The following SIM2 variants were observed in gnomAD, a reference collection of about 807,000 sequenced individuals.
SIM2 encodes the protein SIM bHLH transcription factor 2.
A neutral mutation model predicts 64.8 loss-of-function variants in SIM2; 28 were observed. The ratio of observed to expected loss-of-function variants is 0.43; its 90% CI spans 0.32 to 0.59. SIM2 has a LOEUF of 0.59. Ranked by LOEUF, SIM2 falls within the 20% of genes least tolerant of loss-of-function variation. The pLI is 0.07. For synonymous variants in SIM2, 408 were observed against 391.1 expected (o/e 1.04, Z -0.51); for missense variants, 847 against 871.4 (o/e 0.97, Z 0.35).
intron 3 of SIM2, among the ~76,000 whole-genome samples, chr21:36,717,714 C>T (rs1469686089): frequency 6.6e-6 from 1 of 152,042 alleles, no homozygotes; most frequent in East Asian, 1.9e-4. Context: ...ACCAAAGTGT[C>T]AATATATATT....
chr21:36,723,833 G>A (rs1352017543), intron 5 of SIM2, among the ~76,000 whole-genome samples: 2 of 152,198 alleles, frequency 1.3e-5, no homozygotes, highest in Non-Finnish European at 2.9e-5. Context: ...CTCAGGGCAC[G>A]AGAGTCAGCC....
chr21:36,730,175 G>A (rs908824903), intron 6 of SIM2, among the ~76,000 whole-genome samples: 5 of 152,308 alleles, frequency 3.3e-5, no homozygotes, highest in Middle Eastern at 3.4e-3. Context: ...AGTGTCTAGC[G>A]TGCAACAGAG....
At chr21:36,722,918 G>A in intron 4 of SIM2, 127 bp from the exon 5 acceptor site, 1 of 745,094 alleles carries the variant, frequency 1.3e-6, no homozygotes, top group Non-Finnish European at 2.4e-6. Flanking sequence ...CTCTGAGCAG[G>A]GTCTGGGCAC....
At position 36,741,820 on chromosome 21, in the gene SIM2, C is replaced by T. The variant is rs1305724075; in HGVS notation, c.954C>T (p.Arg318=). The T allele has an allele frequency of 6.2e-7, 1 of 1,608,376 alleles. No individual in the cohort carries two copies. Among genetic ancestry groups the T allele is most frequent in the African/African-American group, 1.3e-5 (1 of 74,892 alleles). ...ACGCCACCGTGGTGCACAACAGCCG[C>T]TCGTCCCGGCCCCACTGCATCGTGA... is the stretch of plus-strand genomic sequence containing the variant. ...QSYATVVHNS[R]SSRPHCIVSV... is the part of the protein sequence containing the mutation. Residue 318 remains arginine (R), a synonymous_variant, in exon 8 of 11, where the codon CGC becomes CGT. Coordinates refer to ENST00000290399, the MANE Select transcript of SIM2 (RefSeq NM_005069.6).
intron 7 of SIM2, among the ~76,000 whole-genome samples, chr21:36,736,833 T>TTCTTTC (rs1421774218): frequency 1.8e-5 from 2 of 113,602 alleles, no homozygotes; most frequent in Admixed American, 1.8e-4. Flanking sequence ...CCTTTCTTCT[T>TTCTTTC]TCTTTCTCTT....
At position 36,726,152 on chromosome 21, in the gene SIM2, C is replaced by A. The variant is rs1378244994; in HGVS notation, c.577C>A (p.Gln193Lys). ...IHCSGYLKIR[Q>K]YMLDMSLYDS... ...CTGCAGTGGCTACTTGAAGATCAGG[C>A]AGTATATGCTGGACATGTCCCTGTA... The change falls in exon 6 of 11, where the codon CAG (glutamine) becomes AAG (lysine). Residue 193 changes from glutamine to lysine, a missense_variant. Gln to Lys is a moderately conservative substitution (Grantham distance 53). Around this residue, in one of 3 missense-constraint regions of SIM2, gnomAD observed 397 missense variants for 439.2 expected, o/e 0.90. Coordinates refer to ENST00000290399, the MANE Select transcript of SIM2 (RefSeq NM_005069.6). The surrounding 1 kb of genome is among the most constrained non-coding windows in gnomAD (Gnocchi z 4.5). 1 of 1,613,812 alleles carries A rather than the reference C, an allele frequency of 6.2e-7. No homozygotes were observed. Among genetic ancestry groups the A allele is most frequent in the Non-Finnish European group, 8.5e-7 (1 of 1,180,040 alleles).
At chr21:36,711,863 G>A (rs1432169178) in intron 2 of SIM2, among the ~76,000 whole-genome samples, 3 of 152,072 alleles carry the variant, frequency 2.0e-5, no homozygotes, top group African/African-American at 4.8e-5. Flanking sequence ...TTGAGGGTTA[G>A]CCAACTTAGG....
At chr21:36,718,401 GTTGTCTCTCCTCT>G (rs1385607308) in intron 3 of SIM2, among the ~76,000 whole-genome samples, 1 of 152,172 alleles carries the variant, frequency 6.6e-6, no homozygotes, top group Non-Finnish European at 1.5e-5. Flanking sequence ...AGATAATCAT[GTTGTCTCTCCTCT>G]GATGGAGAGC....
Position 36,709,213 on chromosome 21 carries a change from A to G in SIM2, c.221A>G (p.Asp74Gly), listed in dbSNP as rs760313844. ...WGQPSRAGPLDGVAKELGSHL... is the reference protein window; with the variant it reads ...WGQPSRAGPLGGVAKELGSHL... The stretch of plus-strand genomic sequence containing the variant: ...CAGCCGAGCCGCGCCGGGCCCCTGG[A>G]CGGCGTCGCCAAGGAGCTGGGATCG... The change falls in exon 2 of 11, where the codon GAC becomes GGC. Residue 74 changes from aspartate (D) to glycine (G), a missense_variant. Physicochemically the swap from Asp to Gly is moderately conservative, Grantham distance 94 (BLOSUM62 -1). Around this residue, in one of 3 missense-constraint regions of SIM2, gnomAD observed 397 missense variants for 439.2 expected, o/e 0.90. Transcript: ENST00000290399. 7 of 1,610,072 alleles carry G rather than the reference A, an allele frequency of 4.3e-6. No homozygotes were observed. The Admixed American group carries it at 1.2e-4, about 27-fold the overall frequency.
chr21:36,705,244 G>A (rs11909356), intron 1 of SIM2, among the ~76,000 whole-genome samples: 1 of 152,170 alleles, frequency 6.6e-6, no homozygotes, highest in African/African-American at 2.4e-5. Context: ...ATATGTGCTT[G>A]CGTGGAGCAG....
chr21:36,707,673 T>C (rs2088604861), intron 1 of SIM2, among the ~76,000 whole-genome samples: 1 of 152,002 alleles, frequency 6.6e-6, no homozygotes, highest in Non-Finnish European at 1.5e-5. Context: ...AGGTGCATTT[T>C]ACGCTTCCAG....
chr21:36,727,226 G>A (rs1039598120), intron 6 of SIM2, among the ~76,000 whole-genome samples: 9 of 151,988 alleles, frequency 5.9e-5, no homozygotes, highest in South Asian at 4.2e-4. Context: ...GTAGAGATGC[G>A]GTTTCACTAT....
chr21:36,710,417 C>T (rs1470483778), intron 2 of SIM2: 1 of 152,220 alleles, frequency 6.6e-6, no homozygotes. Context: ...GCACAGCTCG[C>T]CACTTCCAGG....
intron 6 of SIM2, among the ~76,000 whole-genome samples, chr21:36,727,246 G>A (rs1451736506): frequency 2.0e-5 from 3 of 151,948 alleles, no homozygotes; most frequent in African/African-American, 7.3e-5. Flanking sequence ...TGTTGGCCAG[G>A]CTGGTCTTGA....
At chr21:36,713,259 G>A (rs1385709690) in intron 3 of SIM2, among the ~76,000 whole-genome samples, 1 of 152,198 alleles carries the variant, frequency 6.6e-6, no homozygotes, top group Non-Finnish European at 1.5e-5. Context: ...TTTCTGGAAA[G>A]ATGGAATCAT....
chr21:36,712,537 T>G lies in SIM2; in HGVS notation c.263T>G (p.Leu88Trp). Residue 88 changes from leucine to tryptophan, a missense_variant, in exon 3 of 11, where the codon TTG (leucine) becomes TGG (tryptophan). Physicochemically the swap from Leu to Trp is moderately conservative, Grantham distance 61. Coordinates refer to ENST00000290399, the MANE Select transcript of SIM2 (RefSeq NM_005069.6). ...KELGSHLLQT[L>W]DGFVFVVASD... Reference sequence around the variant, plus strand: ...CTGACACTTTATCTTTTACAGACTTTGGATGGATTTGTTTTTGTGGTAGCA... The same window carrying G: ...CTGACACTTTATCTTTTACAGACTTGGGATGGATTTGTTTTTGTGGTAGCA... 3 of 1,606,558 alleles carry G rather than the reference T, an allele frequency of 1.9e-6. No individual in the cohort carries two copies. The highest frequency in any genetic ancestry group is 3.3e-4 in the Middle Eastern group (2 of 6,048).
intron 2 of SIM2, among the ~76,000 whole-genome samples, chr21:36,711,388 AAGTT>A (rs2088675324): frequency 6.6e-6 from 1 of 152,232 alleles, no homozygotes; most frequent in African/African-American, 2.4e-5. Flanking sequence ...AGAAACTTGA[AAGTT>A]AGGCTTATAA....
chr21:36,744,750 A>G lies in SIM2; in HGVS notation c.1190A>G (p.Asp397Gly). ...PPQQYSSFQM[D>G]KLECGQLGNW... ...CAGCAATACAGCTCGTTCCAAATGG[A>G]CAAACTGGAATGCGGCCAGCTCGGA... Residue 397 changes from aspartate (D) to glycine (G), a missense_variant, in exon 10 of 11, where the codon GAC becomes GGC. Around this residue, in one of 3 missense-constraint regions of SIM2, gnomAD observed 447 missense variants for 414.6 expected, o/e 1.08. Coordinates refer to ENST00000290399, the MANE Select transcript of SIM2 (RefSeq NM_005069.6). 6.2e-7 allele frequency: 1 copy of G among 1,608,044 alleles called. No individual in the cohort carries two copies. The highest frequency in any genetic ancestry group is 8.5e-7 in the Non-Finnish European group (1 of 1,177,162).
In SIM2 at chr21:36,709,200, G is replaced by A. The variant is rs146997732; in HGVS notation, c.208G>A (p.Ala70Thr). 1.9e-3 allele frequency: 3,116 copies of A among 1,610,612 alleles called. 6 individuals carry two copies. Among genetic ancestry groups the A allele is most frequent in the South Asian group, 2.9e-3 (260 of 90,506 alleles). ...AGACGCGTGGGGACAGCCGAGCCGCGCCGGGCCCCTGGACGGCGTCGCCAA... is the reference window on the plus strand; with the variant it reads ...AGACGCGTGGGGACAGCCGAGCCGCACCGGGCCCCTGGACGGCGTCGCCAA... ...LGDAWGQPSRAGPLDGVAKEL... is the reference protein window; with the variant it reads ...LGDAWGQPSRTGPLDGVAKEL... The change falls in exon 2 of 11, where the codon GCC (alanine) becomes ACC (threonine). Residue 70 changes from alanine to threonine, a missense_variant. Coordinates refer to ENST00000290399, the MANE Select transcript of SIM2 (RefSeq NM_005069.6).
Sources: gnomAD v4.1 joint callset for allele counts (sites outside exome capture counted in the v4.1 genomes callset) on GRCh38, gnomAD v4.1.1 for gene constraint, gnomAD v4.1.1 regional missense constraint, Gnocchi (gnomAD v3.1) non-coding constraint, MANE v1.5 for transcripts, NCBI Gene and HGNC (gene_info 2026-07-23, HGNC 2026-07-21) for gene names.